The following OIT3 variants were observed in gnomAD, a reference collection of about 807,000 sequenced individuals.
OIT3 encodes the protein oncoprotein induced transcript 3, also known as oncoprotein-induced transcript 3 protein.
In OIT3, 41 loss-of-function variants were observed where a neutral mutation model predicts 52.2. The ratio of observed to expected loss-of-function variants is 0.79; its 90% confidence interval spans 0.61 to 1.02. The LOEUF (loss-of-function observed/expected upper bound fraction) is 1.02, where lower values mean the gene tolerates loss of function less well. Ranked by LOEUF, OIT3 falls within the 50% of genes least tolerant of loss-of-function variation. The pLI is 0.00. For missense variants in OIT3, 634 were observed against 715.5 expected (o/e 0.89, Z 1.30); for synonymous variants, 244 against 276.9 (o/e 0.88, Z 1.18).
chr10:72,906,570 G>C (rs1845980655), intron 3 of OIT3, 26 bp from the exon 4 acceptor site: 1 of 1,613,632 alleles, frequency 6.2e-7, no homozygotes, highest in Non-Finnish European at 8.5e-7. Context: ...CAGCAGTATA[G>C]AAACAGTGTG....
At chr10:72,926,383 C>T (rs972359396) in intron 7 of OIT3, among the ~76,000 whole-genome samples, 5 of 152,170 alleles carry the variant, frequency 3.3e-5, no homozygotes, top group African/African-American at 1.2e-4. Flanking sequence ...CTCTCTATTC[C>T]ATTCCTATTG....
At chr10:72,917,856 G>A in intron 6 of OIT3, 1 of 1,300,042 alleles carries the variant, frequency 7.7e-7, no homozygotes, top group East Asian at 2.3e-5. Flanking sequence ...TTGTCCTTTT[G>A]ATCTTGGTGT....
chr10:72,899,191 CTCT>C (rs1845904610), intron 2 of OIT3, among the ~76,000 whole-genome samples, 153 bp downstream of exon 2: 2 of 152,202 alleles, frequency 1.3e-5, no homozygotes, highest in Non-Finnish European at 2.9e-5. Context: ...TTTCTGAGAT[CTCT>C]TCTTAGAACT....
intron 4 of OIT3, 48 bp downstream of exon 4, chr10:72,906,766 A>G (rs1369650282): frequency 6.6e-7 from 1 of 1,505,312 alleles, no homozygotes; most frequent in Non-Finnish European, 8.9e-7. Flanking sequence ...AGAGGAAGCC[A>G]CTGGCTTATT....
At chr10:72,899,595 CA>C (rs57434990) in intron 2 of OIT3, among the ~76,000 whole-genome samples, 221 of 88,918 alleles carry the variant, frequency 2.5e-3, no homozygotes, top group Non-Finnish European at 3.3e-3. Flanking sequence ...GACTCTGATT[CA>C]AAAAAAAAAA....
In OIT3 at chr10:72,893,765, A is replaced by T; in HGVS notation, c.-34A>T. 6.3e-7 allele frequency: 1 copy of T among 1,580,952 alleles called. No individual in the cohort carries two copies. The highest frequency in any genetic ancestry group is 8.6e-7 in the Non-Finnish European group (1 of 1,162,230). On this transcript the variant is annotated 5_prime_UTR_variant, in exon 1 of 9. Transcript: ENST00000334011. Reference sequence around the variant, plus strand: ...ACAAAGGAACACCAGTATTAAGAGGATTTTCCAGTGTTTCTGGCAGTTGGT... The same window carrying T: ...ACAAAGGAACACCAGTATTAAGAGGTTTTTCCAGTGTTTCTGGCAGTTGGT...
chr10:72,906,520 G>A (rs904537086), intron 3 of OIT3, 76 bp from the exon 4 acceptor site: 3 of 1,564,472 alleles, frequency 1.9e-6, no homozygotes, highest in Middle Eastern at 1.7e-4. Flanking sequence ...GAAAAGATGT[G>A]GAAATTCTGC....
At chr10:72,914,127 G>A (rs1416931570) in intron 6 of OIT3, among the ~76,000 whole-genome samples, 1 of 152,150 alleles carries the variant, frequency 6.6e-6, no homozygotes, top group Non-Finnish European at 1.5e-5. Flanking sequence ...GAAAAGAAAG[G>A]GCCTTTCAGA....
chr10:72,904,902 G>T (rs1051670310), intron 3 of OIT3, among the ~76,000 whole-genome samples: 3 of 152,142 alleles, frequency 2.0e-5, no homozygotes, highest in Non-Finnish European at 4.4e-5. Flanking sequence ...TTATGATTCT[G>T]CTGGCTGGGA....
At chr10:72,923,471 G>C (rs961225740) in intron 6 of OIT3, among the ~76,000 whole-genome samples, 2 of 152,138 alleles carry the variant, frequency 1.3e-5, no homozygotes, top group Non-Finnish European at 2.9e-5. Context: ...AAGCAGTCTA[G>C]CCCTGCTTTC....
intron 1 of OIT3, among the ~76,000 whole-genome samples, chr10:72,897,558 T>C (rs1457633855): frequency 1.3e-5 from 2 of 152,236 alleles, no homozygotes; most frequent in East Asian, 3.8e-4. Flanking sequence ...CATGCTAGTA[T>C]ACTCTGTATT....
At chr10:72,894,847 C>T (rs1208150571) in intron 1 of OIT3, among the ~76,000 whole-genome samples, 1 of 152,006 alleles carries the variant, frequency 6.6e-6, no homozygotes, top group Non-Finnish European at 1.5e-5. Context: ...GAGATCGAAC[C>T]ACTGCACTCC....
intron 7 of OIT3, 30 bp downstream of exon 7, chr10:72,924,674 C>T: frequency 1.3e-6 from 2 of 1,542,058 alleles, no homozygotes; most frequent in Non-Finnish European, 1.8e-6. Context: ...GGTCTCATCA[C>T]CCCTAGTTCA....
Position 72,913,392 on chromosome 10 carries a change from C to T in OIT3, c.875C>T (p.Thr292Ile). ...VGGLELFLTN[T>I]SCRGVSNGTH... is the part of the protein sequence containing the mutation. ...GGCCTGGAGCTCTTCCTGACCAACACCTCCTGCCGAGGAGTGTCCAACGGC... is the reference window on the plus strand; with the variant it reads ...GGCCTGGAGCTCTTCCTGACCAACATCTCCTGCCGAGGAGTGTCCAACGGC... The change falls in exon 6 of 9, where the codon ACC (threonine) becomes ATC (isoleucine). Residue 292 changes from threonine to isoleucine, a missense_variant. Coordinates refer to ENST00000334011, the MANE Select transcript of OIT3 (RefSeq NM_152635.3). 1.9e-6 allele frequency: 3 copies of T among 1,613,622 alleles called. No homozygotes were observed. The highest frequency in any genetic ancestry group is 2.2e-5 in the East Asian group (1 of 44,876).
intron 6 of OIT3, among the ~76,000 whole-genome samples, chr10:72,914,968 C>T (rs958240909): frequency 2.6e-5 from 4 of 151,932 alleles, no homozygotes; most frequent in Non-Finnish European, 4.4e-5. Context: ...CAGGTTCAAG[C>T]GATTCTCCTG....
chr10:72,904,136 T>A (rs1352607789), intron 3 of OIT3, among the ~76,000 whole-genome samples: 2 of 152,118 alleles, frequency 1.3e-5, no homozygotes, highest in African/African-American at 4.8e-5. Context: ...CTGTTCTGAT[T>A]ACCGGTGCCT....
At chr10:72,924,140 G>C in intron 6 of OIT3, 89 bp from the exon 7 acceptor site, 7 of 1,148,656 alleles carry the variant, frequency 6.1e-6, no homozygotes, top group Non-Finnish European at 8.7e-6. Context: ...TTTTGAGGTA[G>C]ATAGAATGTT....
chr10:72,928,525 T>C lies in OIT3; in HGVS notation c.1368-2013T>C, dbSNP rs745455498. ...TTTTGAGATAAAGATAAATTGAAAA[T>C]GCTCAGGTATTTAGATTAAAAGTAC... On this transcript the variant is annotated intron_variant, in intron 7 of 8. Coordinates refer to ENST00000334011, the MANE Select transcript of OIT3 (RefSeq NM_152635.3). Among the ~76,000 whole-genome samples, 155 of 152,180 alleles carry C rather than the reference T, an allele frequency of 1.0e-3. 1 individual carries two copies. Among genetic ancestry groups the C allele is most frequent in the Middle Eastern group, 3.2e-3 (1 of 316 alleles).
At chr10:72,906,803 T>A in intron 4 of OIT3, 85 bp downstream of exon 4, 32 of 1,358,602 alleles carry the variant, frequency 2.4e-5, no homozygotes, top group Non-Finnish European at 3.0e-5. Context: ...ACTGCCTTAG[T>A]GTCCGAAGAG....
Sources: gnomAD v4.1 joint callset for allele counts (sites outside exome capture counted in the v4.1 genomes callset) on GRCh38, gnomAD v4.1.1 for gene constraint, MANE v1.5 for transcripts, NCBI Gene and HGNC (gene_info 2026-07-23, HGNC 2026-07-21) for gene names.